The following TCF12 variants were observed in gnomAD, a reference collection of about 807,000 sequenced individuals.
The protein encoded by TCF12 is DNA-binding protein HTF4.
TCF12 carries 45 observed loss-of-function variants against 86.0 expected under a neutral mutation model. That is an observed-to-expected ratio of 0.52 (90% CI 0.41 to 0.67). TCF12 has a LOEUF of 0.67. Among genes scored for constraint, TCF12 ranks in the 30% least tolerant of loss-of-function variants. The pLI is 0.00. For missense variants in TCF12, 881 were observed against 859.9 expected, an observed-to-expected ratio of 1.02 and a Z score of -0.31; for synonymous variants, 330 against 299.6, an observed-to-expected ratio of 1.10 and a Z score of -1.05.
At chr15:56,962,364 T>C (rs1248589027) in intron 3 of TCF12, among the ~76,000 whole-genome samples, 2 of 152,210 alleles carry the variant, frequency 1.3e-5, no homozygotes, top group Admixed American at 1.3e-4. Context: ...TACTCCGGAT[T>C]TTCCTTTATT....
intron 13 of TCF12, among the ~76,000 whole-genome samples, chr15:57,244,721 C>G (rs148012274): frequency 6.6e-6 from 1 of 152,050 alleles, no homozygotes. Flanking sequence ...TCATCCTTCT[C>G]CCAAAGTGCT....
At chr15:57,034,165 G>A (rs1379248485) in intron 3 of TCF12, among the ~76,000 whole-genome samples, 1 of 152,134 alleles carries the variant, frequency 6.6e-6, no homozygotes, top group Non-Finnish European at 1.5e-5. Flanking sequence ...TAACCTAATT[G>A]ATGTATATAG....
intron 3 of TCF12, among the ~76,000 whole-genome samples, chr15:56,938,545 T>G (rs1450715155): frequency 1.3e-5 from 2 of 152,184 alleles, no homozygotes; most frequent in African/African-American, 4.8e-5. Flanking sequence ...GAGGATTCCC[T>G]CTTTCTCTGT....
At chr15:57,158,125 T>G (rs963663011) in intron 5 of TCF12, among the ~76,000 whole-genome samples, 1 of 151,756 alleles carries the variant, frequency 6.6e-6, no homozygotes, top group Non-Finnish European at 1.5e-5. Flanking sequence ...GGTAGTTGAG[T>G]TGGTGAATGT....
chr15:57,085,691 A>G (rs2048575962), intron 4 of TCF12, among the ~76,000 whole-genome samples: 1 of 152,212 alleles, frequency 6.6e-6, no homozygotes, highest in Admixed American at 6.5e-5. Context: ...AAATACAGTA[A>G]GAACACTTTT....
chr15:57,166,534 G>A (rs781491447), intron 6 of TCF12, 68 bp downstream of exon 6: 11 of 1,330,662 alleles, frequency 8.3e-6, no homozygotes, highest in Non-Finnish European at 1.2e-5. Flanking sequence ...TCTATTAATA[G>A]ATGAGATAGA....
intron 4 of TCF12, 109 bp from the exon 5 acceptor site, chr15:57,091,680 A>T: frequency 1.6e-6 from 1 of 612,712 alleles, no homozygotes; most frequent in Non-Finnish European, 2.7e-6. Flanking sequence ...AAACTTGGTC[A>T]GAAATGACCA....
At chr15:56,933,937 A>G (rs1025066637) in intron 3 of TCF12, among the ~76,000 whole-genome samples, 4 of 151,952 alleles carry the variant, frequency 2.6e-5, no homozygotes, top group Non-Finnish European at 5.9e-5. Context: ...AATGAAATAT[A>G]TATAATATTT....
chr15:57,068,163 T>C (rs1459481343), intron 4 of TCF12, among the ~76,000 whole-genome samples: 1 of 152,228 alleles, frequency 6.6e-6, no homozygotes, highest in Non-Finnish European at 1.5e-5. Context: ...TATTTAAATC[T>C]AGTGTACTTC....
intron 3 of TCF12, among the ~76,000 whole-genome samples, chr15:57,045,500 T>G (rs1429357652): frequency 1.3e-5 from 2 of 152,148 alleles, no homozygotes; most frequent in Non-Finnish European, 2.9e-5. Flanking sequence ...CTTGCTATAA[T>G]AAGTCATTCA....
chr15:57,219,630 T>C (rs747998898), intron 8 of TCF12: 37 of 1,594,426 alleles, frequency 2.3e-5, no homozygotes, highest in Non-Finnish European at 3.1e-5. Flanking sequence ...CTCACTTGTT[T>C]AAAGGAAAGC....
chr15:56,981,420 A>C (rs985848784), intron 3 of TCF12, among the ~76,000 whole-genome samples: 2 of 152,138 alleles, frequency 1.3e-5, no homozygotes, highest in Non-Finnish European at 2.9e-5. Flanking sequence ...AAGAGAACAA[A>C]ACCACTTCTG....
chr15:56,987,140 C>T (rs1168574999), intron 3 of TCF12, among the ~76,000 whole-genome samples: 3 of 151,492 alleles, frequency 2.0e-5, no homozygotes, highest in South Asian at 2.1e-4. Flanking sequence ...ACAAGAGTTT[C>T]GCTCTTGTTG....
At chr15:57,050,017 G>A (rs2067503798) in intron 3 of TCF12, among the ~76,000 whole-genome samples, 1 of 152,196 alleles carries the variant, frequency 6.6e-6, no homozygotes, top group East Asian at 1.9e-4. Flanking sequence ...GTTCCTCTAG[G>A]AATTACAGTA....
chr15:57,163,433 C>T (rs372532556), intron 5 of TCF12, among the ~76,000 whole-genome samples: 1 of 152,258 alleles, frequency 6.6e-6, no homozygotes, highest in South Asian at 2.1e-4. Context: ...ACCGTGGTAG[C>T]TCATACCTGT....
intron 5 of TCF12, among the ~76,000 whole-genome samples, chr15:57,100,423 C>CTTTT (rs571976256): frequency 7.6e-6 from 1 of 130,832 alleles, no homozygotes; most frequent in African/African-American, 2.8e-5. Flanking sequence ...TTCACTTCCT[C>CTTTT]TTTTTTTTTT....
chr15:56,923,482 G>A (rs2140193090), intron 3 of TCF12, among the ~76,000 whole-genome samples: 1 of 152,206 alleles, frequency 6.6e-6, no homozygotes, highest in South Asian at 2.1e-4. Flanking sequence ...GAGTGAATTT[G>A]TTCACTTGGT....
At chr15:57,118,612 T>A (rs2051008248) in intron 5 of TCF12, among the ~76,000 whole-genome samples, 1 of 152,174 alleles carries the variant, frequency 6.6e-6, no homozygotes, top group African/African-American at 2.4e-5. Context: ...TGGTTGCGTT[T>A]TCAGTTTTAG....
chr15:57,223,927 A>G (rs1033161854), intron 8 of TCF12, among the ~76,000 whole-genome samples: 5 of 151,942 alleles, frequency 3.3e-5, no homozygotes, highest in African/African-American at 9.7e-5. Context: ...ACATGAAGTC[A>G]TTTTTAAAAT....
Sources: allele counts gnomAD v4.1 joint callset (sites outside exome capture counted in the v4.1 genomes callset), GRCh38; gene constraint gnomAD v4.1.1; transcripts MANE v1.5; gene names NCBI Gene and HGNC (gene_info 2026-07-23, HGNC 2026-07-21).